The following ZMYM2 variants were observed in gnomAD, a reference collection of about 807,000 sequenced individuals.
The protein encoded by ZMYM2 is zinc finger MYM-type protein 2.
In ZMYM2, 56 loss-of-function variants were observed where a neutral mutation model predicts 162.8. That is an observed-to-expected ratio of 0.34 (90% CI 0.28 to 0.43). The LOEUF is 0.43. Among genes scored for constraint, ZMYM2 ranks in the 20% least tolerant of loss-of-function variants. The pLI is 1.00. For missense variants in ZMYM2, 1,275 were observed against 1,621.8 expected (o/e 0.79, Z 3.67); for synonymous variants, 510 against 541.6 (o/e 0.94, Z 0.81).
chr13:19,917,566 A>C, the ZMYM2 span, among the ~76,000 whole-genome samples: 1 of 146,350 alleles, frequency 6.8e-6, no homozygotes, highest in Non-Finnish European at 1.5e-5. Context: ...CTCCAGCCTG[A>C]GCAACAAGAG....
rs1207759854 is a variant in ZMYM2, at chr13:20,087,212, A to C, written c.*1198A>C. The C allele has an allele frequency of 5.3e-6, 1 of 190,112 alleles. No individual in the cohort carries two copies. The highest frequency in any genetic ancestry group is 2.3e-5 in the African/African-American group (1 of 42,952). 11.8% of individuals were successfully genotyped at this position (190,112 alleles called of 1,614,324 possible). On this transcript the variant is annotated 3_prime_UTR_variant, in exon 25 of 25. Transcript: ENST00000610343. Reference sequence around the variant, plus strand: ...AATAGAGAAAGTCAGTCTCAGAGGAAATCCCATTTAATGTTAGATTGTTTG... The same window carrying C: ...AATAGAGAAAGTCAGTCTCAGAGGACATCCCATTTAATGTTAGATTGTTTG...
intron 12 of ZMYM2, among the ~76,000 whole-genome samples, chr13:20,043,409 G>A (rs1227575628): frequency 6.6e-6 from 1 of 152,184 alleles, no homozygotes; most frequent in Non-Finnish European, 1.5e-5. Context: ...TGGGGTGCCT[G>A]CCTCCCAGCC....
the ZMYM2 span, among the ~76,000 whole-genome samples, chr13:19,884,981 A>C: frequency 6.6e-6 from 1 of 152,042 alleles, no homozygotes; most frequent in African/African-American, 2.4e-5. Flanking sequence ...TATTTTACAG[A>C]GTGCTGATTG....
At chr13:19,920,839 T>C in the ZMYM2 span, among the ~76,000 whole-genome samples, 1 of 152,114 alleles carries the variant, frequency 6.6e-6, no homozygotes, top group Admixed American at 6.6e-5. Flanking sequence ...CTTGGCTCAC[T>C]GCAGCCTCTA....
intron 2 of ZMYM2, among the ~76,000 whole-genome samples, chr13:19,975,838 T>A (rs374741196): frequency 2.3e-3 from 349 of 151,882 alleles, no homozygotes; most frequent in African/African-American, 8.3e-3. Flanking sequence ...TTTCTTTTTT[T>A]AAAATTTTTC....
chr13:19,953,309 A>G, the ZMYM2 span, among the ~76,000 whole-genome samples: 239 of 152,354 alleles, frequency 1.6e-3, 2 homozygotes, highest in Non-Finnish European at 2.3e-3. Context: ...ACTCTTTCAT[A>G]AAGTGTAAAA....
intron 14 of ZMYM2, among the ~76,000 whole-genome samples, chr13:20,054,481 G>GT (rs1468439757): frequency 1.3e-5 from 2 of 152,188 alleles, no homozygotes; most frequent in Non-Finnish European, 2.9e-5. Flanking sequence ...CCTACCTTTT[G>GT]TGGTGGTAGG....
chr13:19,934,539 T>A, the ZMYM2 span, among the ~76,000 whole-genome samples: 1 of 152,322 alleles, frequency 6.6e-6, no homozygotes, highest in Middle Eastern at 3.4e-3. Flanking sequence ...GCATGTCTGT[T>A]TGTCTCTAGA....
chr13:20,027,466 TG>T, intron 9 of ZMYM2, 148 bp downstream of exon 9: 1 of 584,096 alleles, frequency 1.7e-6, no homozygotes, highest in Non-Finnish European at 2.8e-6. Context: ...TCACAGAATA[TG>T]TGGCTGTACC....
chr13:19,964,152 G>A (rs1412564221), intron 2 of ZMYM2, among the ~76,000 whole-genome samples: 1 of 150,642 alleles, frequency 6.6e-6, no homozygotes, highest in Non-Finnish European at 1.5e-5. Flanking sequence ...TGAGGCGGGT[G>A]GATCACCTGA....
chr13:19,884,460 C>G, the ZMYM2 span, among the ~76,000 whole-genome samples: 2 of 152,054 alleles, frequency 1.3e-5, 1 homozygote, highest in African/African-American at 4.8e-5. Flanking sequence ...CGGCCGTGGT[C>G]CCAGCTACTC....
At chr13:19,934,771 C>CT in the ZMYM2 span, among the ~76,000 whole-genome samples, 47 of 44,200 alleles carry the variant, frequency 1.1e-3, no homozygotes, top group African/African-American at 1.9e-3. Context: ...TTCTTTCTTT[C>CT]TTTTTTTTTT....
the ZMYM2 span, among the ~76,000 whole-genome samples, chr13:19,905,200 A>G: frequency 6.6e-6 from 1 of 151,990 alleles, no homozygotes; most frequent in African/African-American, 2.4e-5. Context: ...TTTAGTAGAG[A>G]TGGGGTTTCA....
At chr13:20,036,989 A>C in intron 12 of ZMYM2, 80 bp downstream of exon 12, 1 of 1,343,714 alleles carries the variant, frequency 7.4e-7, no homozygotes, top group Non-Finnish European at 9.9e-7. Context: ...AAATCTGGCA[A>C]CTCATTTATT....
chr13:19,996,009 G>T (rs867369495), intron 3 of ZMYM2, among the ~76,000 whole-genome samples: 7 of 151,816 alleles, frequency 4.6e-5, no homozygotes, highest in Non-Finnish European at 7.4e-5. Flanking sequence ...AACAAACTCT[G>T]TGACTTTTTC....
chr13:19,953,483 G>C, the ZMYM2 span, among the ~76,000 whole-genome samples: 106 of 152,114 alleles, frequency 7.0e-4, no homozygotes, highest in African/African-American at 2.5e-3. Flanking sequence ...AAGAGATCGA[G>C]ACCATCCTGG....
At chr13:20,001,498 T>TA (rs1481783904) in intron 3 of ZMYM2, among the ~76,000 whole-genome samples, 1 of 151,402 alleles carries the variant, frequency 6.6e-6, no homozygotes, top group Admixed American at 6.6e-5. Flanking sequence ...GTTGAGCAAA[T>TA]AGAGTGGTTT....
chr13:19,991,264 C>T (rs1399953813), intron 2 of ZMYM2, among the ~76,000 whole-genome samples: 4 of 152,040 alleles, frequency 2.6e-5, no homozygotes, highest in Non-Finnish European at 4.4e-5. Flanking sequence ...CAGATGTGCG[C>T]CACCATGACT....
chr13:20,076,261 TCTTTG>T (rs1168527731), intron 21 of ZMYM2, among the ~76,000 whole-genome samples: 3 of 150,310 alleles, frequency 2.0e-5, no homozygotes, highest in Non-Finnish European at 4.4e-5. Flanking sequence ...ATGAGCATTC[TCTTTG>T]TTTTATGAAA....
Sources: gnomAD v4.1 joint callset for allele counts (sites outside exome capture counted in the v4.1 genomes callset) on GRCh38, gnomAD v4.1.1 for gene constraint, MANE v1.5 for transcripts, NCBI Gene and HGNC (gene_info 2026-07-23, HGNC 2026-07-21) for gene names.